ODF2: variants seen among roughly 807,000 people sequenced by gnomAD.
ODF2 encodes outer dense fiber protein 2.
In ODF2, 47 loss-of-function variants were observed where a neutral mutation model predicts 110.2. That is an observed-to-expected ratio of 0.43 (90% CI 0.34 to 0.54). The LOEUF (loss-of-function observed/expected upper bound fraction) is 0.54. ODF2 is among the 20% of genes least tolerant of loss of function. ODF2 has a pLI of 0.03. For synonymous variants in ODF2, 352 were observed against 397.7 expected (o/e 0.89, Z 1.37); for missense variants, 812 against 1,054.5 (o/e 0.77, Z 3.19).
intron 1 of ODF2, chr9:128,457,060 C>A: frequency 7.6e-7 from 1 of 1,313,734 alleles, no homozygotes; most frequent in Non-Finnish European, 9.9e-7. Context: ...TCAGGTTTCC[C>A]CCGGTAGCCA....
At chr9:128,499,109 C>A in exon 20 of ODF2, 1 of 1,614,132 alleles carries the variant, frequency 6.2e-7, no homozygotes, top group Non-Finnish European at 8.5e-7. Flanking sequence ...GAGCCAGCTG[C>A]GGCGGAGCCG....
chr9:128,460,451 G>T, intron 3 of ODF2, 99 bp from the exon 3 acceptor site: 1 of 1,540,108 alleles, frequency 6.5e-7, no homozygotes. Context: ...TGGTGGCTAG[G>T]CTTTTTGGTG....
chr9:128,469,297 C>T (rs761582122), exon 5 of ODF2: 37 of 1,613,976 alleles, frequency 2.3e-5, no homozygotes, highest in Non-Finnish European at 2.8e-5. Flanking sequence ...TAAAATGAAC[C>T]GTTATGATAA....
At chr9:128,459,002 G>A (rs1276578945) in intron 2 of ODF2, among the ~76,000 whole-genome samples, 3 of 151,944 alleles carry the variant, frequency 2.0e-5, no homozygotes, top group East Asian at 1.9e-4. Flanking sequence ...ACGCCACCAC[G>A]CCAAGCTAAT....
At chr9:128,484,672 C>A in intron 11 of ODF2, 29 bp from the exon 12 acceptor site, 4 of 1,551,226 alleles carry the variant, frequency 2.6e-6, no homozygotes, top group Non-Finnish European at 8.7e-7. Context: ...TCTCTTCTCC[C>A]TCTCTTTCTC....
rs1052156218 is a variant in ODF2, at chr9:128,474,929, A to T, written c.843+1188A>T. 2.0e-5 allele frequency among the ~76,000 whole-genome samples: 3 copies of T among 151,636 alleles called. No individual in the cohort carries two copies. The Admixed American group carries it at 2.0e-4, about 10-fold the overall frequency. On this transcript the variant is annotated intron_variant, in intron 8 of 20. Transcript: ENST00000604420. ...CAGTGAGCCGAGATTGTGCCATTGC[A>T]CTCCAGCCTGGGGAACAAGAGCAAG...
chr9:128,492,879 C>G, intron 16 of ODF2, 74 bp downstream of exon 16: 1 of 1,334,106 alleles, frequency 7.5e-7, no homozygotes, highest in Non-Finnish European at 1.1e-6. Context: ...GTCTGTTCCC[C>G]TTGTTTGCCT....
At chr9:128,467,096 A>G (rs2131631393) in intron 4 of ODF2, among the ~76,000 whole-genome samples, 1 of 130,432 alleles carries the variant, frequency 7.7e-6, no homozygotes, top group South Asian at 2.7e-4. Flanking sequence ...ATTCTGAGAA[A>G]CATGTTGTTA....
chr9:128,488,589 G>T (rs547829815), intron 14 of ODF2, among the ~76,000 whole-genome samples: 2 of 152,216 alleles, frequency 1.3e-5, no homozygotes, highest in Non-Finnish European at 2.9e-5. Context: ...CTCAGCCTGC[G>T]CACATGAGAT....
intron 5 of ODF2, among the ~76,000 whole-genome samples, chr9:128,470,673 G>A (rs1839764606): frequency 6.6e-6 from 1 of 151,500 alleles, no homozygotes; most frequent in Admixed American, 6.6e-5. Flanking sequence ...AAGTGCAAGA[G>A]CCTTTTTGTG....
chr9:128,494,988 G>A lies in ODF2; in HGVS notation c.1911+320G>A. ...AGCTCCACACCCACAGCTGGGAGAT[G>A]CCAGCAGACACCGAGCCGTAGAATT... is the stretch of plus-strand genomic sequence containing the variant. On this transcript the variant is annotated intron_variant, in intron 17 of 20. Coordinates refer to ENST00000604420, the Ensembl canonical transcript of ODF2. This position sits in a 1 kb window ranked among gnomAD's most constrained non-coding sequence, Gnocchi z 4.6. The A allele has an allele frequency of 1.6e-6, 1 of 622,974 alleles. No individual in the cohort carries two copies. Among genetic ancestry groups the A allele is most frequent in the Non-Finnish European group, 2.7e-6 (1 of 376,112 alleles). The allele number at this position is 622,974 out of a possible 1,614,324, so 38.6% of individuals were successfully genotyped here.
chr9:128,500,354 A>T (rs2132370469), exon 21 of ODF2: 2 of 1,229,580 alleles, frequency 1.6e-6, no homozygotes, highest in African/African-American at 3.0e-5. Context: ...CTCCCAGTGA[A>T]AAAATGGGTT....
At chr9:128,460,131 G>A (rs1160243164) in intron 3 of ODF2, 3 of 1,295,066 alleles carry the variant, frequency 2.3e-6, no homozygotes, top group Non-Finnish European at 1.0e-6. Context: ...CATTTTGTGT[G>A]TTTCCCACGC....
At chr9:128,482,828 C>A in exon 10 of ODF2, 1 of 1,613,300 alleles carries the variant, frequency 6.2e-7, no homozygotes, top group Non-Finnish European at 8.5e-7. Context: ...CCTGCTGTTA[C>A]TGCTGCAAGA....
chr9:128,486,558 G>A (rs781634443), intron 13 of ODF2, among the ~76,000 whole-genome samples: 9 of 152,186 alleles, frequency 5.9e-5, no homozygotes, highest in Non-Finnish European at 1.3e-4. Context: ...TTTTTGATGG[G>A]TCTGTGGTCA....
At chr9:128,460,795 T>C in intron 3 of ODF2, 129 bp downstream of exon 3, 6 of 1,512,558 alleles carry the variant, frequency 4.0e-6, no homozygotes, top group Non-Finnish European at 5.4e-6. Flanking sequence ...GGTTTCCTGG[T>C]TAGAAGGTAG....
chr9:128,465,729 G>C (rs1409319160), intron 4 of ODF2, among the ~76,000 whole-genome samples: 1 of 145,516 alleles, frequency 6.9e-6, no homozygotes, highest in Admixed American at 6.9e-5. Context: ...GACAGAGCGA[G>C]ACTCCGTCTC....
chr9:128,460,893 C>T (rs759098576), intron 3 of ODF2, 49 bp from the exon 4 acceptor site: 12 of 1,612,786 alleles, frequency 7.4e-6, no homozygotes, highest in Non-Finnish European at 9.3e-6. Context: ...AGCGTGGCAC[C>T]GTGGCCAGCT....
intron 8 of ODF2, among the ~76,000 whole-genome samples, chr9:128,478,480 C>A (rs144117069): frequency 0.011 from 1,708 of 152,040 alleles, 41 homozygotes; most frequent in African/African-American, 0.039. Context: ...CTCCTGTAGT[C>A]CCAGTTACTC....
Sources: allele counts gnomAD v4.1 joint callset (sites outside exome capture counted in the v4.1 genomes callset), GRCh38; gene constraint gnomAD v4.1.1; non-coding constraint Gnocchi (gnomAD v3.1); transcripts MANE v1.5; gene names NCBI Gene and HGNC (gene_info 2026-07-23, HGNC 2026-07-21).